PCNX2: variants seen among roughly 807,000 people sequenced by gnomAD.
PCNX2 encodes pecanex-like protein 2.
In PCNX2, 168 loss-of-function variants were observed where a neutral mutation model predicts 223.8. The observed-to-expected ratio is 0.75, with a 90% CI of 0.66 to 0.85. PCNX2 has a LOEUF of 0.85. Among genes scored for constraint, PCNX2 ranks in the 40% least tolerant of loss-of-function variants. PCNX2 has a pLI of 0.00. For missense variants in PCNX2, 2,507 were observed against 2,675.5 expected (o/e 0.94, Z 1.39); for synonymous variants, 1,006 against 1,052.6 (o/e 0.96, Z 0.86).
At chr1:233,200,306 T>C (rs1247927978) in intron 13 of PCNX2, 42 bp from the exon 14 acceptor site, 1 of 1,425,056 alleles carries the variant, frequency 7.0e-7, no homozygotes, top group Admixed American at 2.1e-5. Flanking sequence ...CATGGGGAAC[T>C]GTGTTGCCAA....
chr1:233,262,191 G>A, intron 2 of PCNX2, 26 bp from the exon 3 acceptor site: 2 of 1,612,582 alleles, frequency 1.2e-6, no homozygotes, highest in South Asian at 1.1e-5. Context: ...AAACACAAGA[G>A]CAGTGAGCGA....
At chr1:233,041,612 T>G (rs1459964172) in intron 25 of PCNX2, among the ~76,000 whole-genome samples, 1 of 152,176 alleles carries the variant, frequency 6.6e-6, no homozygotes, top group African/African-American at 2.4e-5. Context: ...CACTAACCTT[T>G]TAATAAAACC....
chr1:233,140,931 C>T (rs1018901963), intron 19 of PCNX2, among the ~76,000 whole-genome samples: 1 of 152,174 alleles, frequency 6.6e-6, no homozygotes, highest in Admixed American at 6.5e-5. Context: ...AATGAACCAG[C>T]TCTGCTGTGG....
intron 12 of PCNX2, among the ~76,000 whole-genome samples, chr1:233,213,759 T>G (rs1384713791): frequency 6.7e-6 from 1 of 150,314 alleles, no homozygotes; most frequent in Non-Finnish European, 1.5e-5. Context: ...GGACTTAGTA[T>G]ACTTAGTATA....
intron 15 of PCNX2, among the ~76,000 whole-genome samples, chr1:233,185,020 A>G (rs747072680): frequency 6.6e-6 from 1 of 151,586 alleles, no homozygotes; most frequent in Non-Finnish European, 1.5e-5. Context: ...TCTCTCCTGG[A>G]AACACCCTCA....
intron 3 of PCNX2, 61 bp from the exon 4 acceptor site, chr1:233,261,382 A>G (rs923183109): frequency 6.7e-7 from 1 of 1,489,756 alleles, no homozygotes; most frequent in African/African-American, 1.4e-5. Context: ...ATTTCCAGAC[A>G]GTCGGCAATA....
At chr1:233,323,894 G>A in the PCNX2 span, among the ~76,000 whole-genome samples, 3 of 152,204 alleles carry the variant, frequency 2.0e-5, no homozygotes, top group Non-Finnish European at 2.9e-5. Flanking sequence ...AGGAAGGCAC[G>A]TGAAAAGCCA....
At chr1:233,062,025 CT>C (rs1672425537) in intron 23 of PCNX2, among the ~76,000 whole-genome samples, 1 of 152,166 alleles carries the variant, frequency 6.6e-6, no homozygotes, top group Non-Finnish European at 1.5e-5. Context: ...TCCCAAAGTG[CT>C]GGGATTACAG....
chr1:233,249,859 G>A (rs1659345039), intron 8 of PCNX2, among the ~76,000 whole-genome samples: 1 of 152,142 alleles, frequency 6.6e-6, no homozygotes, highest in Non-Finnish European at 1.5e-5. Context: ...TCCACCTGGA[G>A]GCCAGAATGC....
chr1:233,147,453 G>C (rs1004707168), intron 19 of PCNX2, among the ~76,000 whole-genome samples: 5 of 152,124 alleles, frequency 3.3e-5, no homozygotes, highest in African/African-American at 1.2e-4. Context: ...TTCACGTTGA[G>C]TAGGCTGAGG....
intron 21 of PCNX2, among the ~76,000 whole-genome samples, chr1:233,110,687 A>T (rs1212485813): frequency 6.6e-6 from 1 of 152,080 alleles, no homozygotes; most frequent in Non-Finnish European, 1.5e-5. Context: ...TAAACAACGG[A>T]TTGTGTGTTC....
intron 26 of PCNX2, among the ~76,000 whole-genome samples, chr1:233,021,955 G>A (rs553653166): frequency 1.3e-5 from 2 of 152,278 alleles, no homozygotes; most frequent in Admixed American, 1.3e-4. Context: ...CAAAAAGCTC[G>A]TCCAATCATG....
intron 8 of PCNX2, among the ~76,000 whole-genome samples, chr1:233,240,925 A>T (rs1436169683): frequency 6.6e-6 from 1 of 152,202 alleles, no homozygotes; most frequent in Non-Finnish European, 1.5e-5. Context: ...ATTTCTTGAA[A>T]TTCTTCATCT....
chr1:233,153,005 G>A (rs1159560507), intron 19 of PCNX2, among the ~76,000 whole-genome samples: 1 of 152,174 alleles, frequency 6.6e-6, no homozygotes, highest in Admixed American at 6.5e-5. Context: ...CCAAGGCTGG[G>A]CCATAACATT....
rs117320341 is a variant in PCNX2 at position 233,265,149 on chromosome 1, G to A, written c.154-1986C>T. On this transcript the variant is annotated intron_variant, in intron 1 of 33. Coordinates refer to ENST00000258229, the MANE Select transcript of PCNX2 (RefSeq NM_014801.4). ...TCCTTGCTACTGGGGAGGCTGAGGT[G>A]GGAGGACCTCTTGAGCCTAGGAGTT... Among the ~76,000 whole-genome samples, 130 of 151,950 alleles carry A rather than the reference G, an allele frequency of 8.6e-4. 4 individuals are homozygous for A. In the East Asian group the frequency reaches 0.019, roughly 23 times the overall value.
intron 21 of PCNX2, among the ~76,000 whole-genome samples, chr1:233,129,802 GACCAATCAGCTC>G: frequency 6.6e-6 from 1 of 152,202 alleles, no homozygotes; most frequent in South Asian, 2.1e-4. Flanking sequence ...CCATAAACCA[GACCAATCAGCTC>G]TCTGTAAAAT....
chr1:233,169,036 A>G (rs1356074920), intron 17 of PCNX2, among the ~76,000 whole-genome samples: 2 of 152,286 alleles, frequency 1.3e-5, no homozygotes, highest in East Asian at 3.9e-4. Context: ...ATATTTGTGT[A>G]CAATTATATA....
intron 17 of PCNX2, among the ~76,000 whole-genome samples, chr1:233,173,079 T>C (rs1011368505): frequency 1.2e-4 from 18 of 152,148 alleles, no homozygotes; most frequent in Admixed American, 1.3e-4. Flanking sequence ...AAAGAGTCTG[T>C]CTCCTTTCTG....
At chr1:233,097,070 G>A (rs1159993972) in intron 21 of PCNX2, among the ~76,000 whole-genome samples, 2 of 152,128 alleles carry the variant, frequency 1.3e-5, no homozygotes, top group Non-Finnish European at 2.9e-5. Context: ...ACATTATTGG[G>A]TAGGCCATAG....
Sources: gnomAD v4.1 joint callset for allele counts (sites outside exome capture counted in the v4.1 genomes callset) on GRCh38, gnomAD v4.1.1 for gene constraint, MANE v1.5 for transcripts, NCBI Gene and HGNC (gene_info 2026-07-23, HGNC 2026-07-21) for gene names.